DNAAF11: variants seen among roughly 807,000 people sequenced by gnomAD.
DNAAF11 encodes the protein leucine rich repeat containing 6.
DNAAF11 carries 45 observed loss-of-function variants against 60.8 expected under a neutral mutation model. That is an observed-to-expected ratio of 0.74 (90% confidence interval 0.58 to 0.95). The LOEUF is 0.95. Ranked by LOEUF, DNAAF11 falls within the 40% of genes least tolerant of loss-of-function variation. The pLI, the probability that DNAAF11 is intolerant of heterozygous loss-of-function variation, is 0.00. For synonymous variants in DNAAF11, 191 were observed against 183.5 expected (o/e 1.04, Z -0.33); for missense variants, 546 against 546.2 (o/e 1.00, Z 0.00).
rs1814135690 is a variant in DNAAF11 at position 132,571,065 on chromosome 8, A to G, written c.*1241T>C. On this transcript the variant is annotated 3_prime_UTR_variant, in exon 12 of 12. Transcript: ENST00000620350. ...CTATAACCAGTCCCTCATTCTCATC[A>G]TATTTTTTTCTAACTGATGCATTTT... is the stretch of plus-strand genomic sequence containing the variant. Among the ~76,000 whole-genome samples the G allele has an allele frequency of 1.3e-5, 2 of 152,036 alleles. No individual in the cohort carries two copies.
intron 5 of DNAAF11, among the ~76,000 whole-genome samples, chr8:132,629,284 T>C (rs1415568547): frequency 6.6e-6 from 1 of 151,972 alleles, no homozygotes; most frequent in Non-Finnish European, 1.5e-5. Flanking sequence ...TGATGAGAAA[T>C]TGCACACATT....
the DNAAF11 span, among the ~76,000 whole-genome samples, chr8:132,694,192 T>A: frequency 1.3e-5 from 2 of 152,298 alleles, no homozygotes; most frequent in African/African-American, 4.8e-5. Context: ...GATGTGGATA[T>A]GGAAATTAAT....
intron 2 of DNAAF11, among the ~76,000 whole-genome samples, chr8:132,660,226 CT>C (rs563667546): frequency 0.023 from 3,426 of 146,286 alleles, 116 homozygotes; most frequent in African/African-American, 0.075. Context: ...GAGTACTTAT[CT>C]TTTTTTTTTT....
chr8:132,654,962 A>T (rs1166868623), intron 3 of DNAAF11, among the ~76,000 whole-genome samples: 1 of 151,998 alleles, frequency 6.6e-6, no homozygotes, highest in African/African-American at 2.4e-5. Context: ...AAAATCAACA[A>T]AATCAAAAGT....
At chr8:132,685,336 C>T in the DNAAF11 span, among the ~76,000 whole-genome samples, 1 of 152,174 alleles carries the variant, frequency 6.6e-6, no homozygotes, top group Non-Finnish European at 1.5e-5. Flanking sequence ...TATCTCTGAA[C>T]ACATTAATCC....
chr8:132,668,025 A>C (rs537483603), intron 1 of DNAAF11, among the ~76,000 whole-genome samples: 1 of 152,340 alleles, frequency 6.6e-6, no homozygotes, highest in East Asian at 1.9e-4. Context: ...GAATAAAATC[A>C]ACTAATATGT....
chr8:132,685,424 G>A, the DNAAF11 span, among the ~76,000 whole-genome samples: 2 of 152,268 alleles, frequency 1.3e-5, no homozygotes, highest in East Asian at 3.9e-4. Flanking sequence ...TTTTGCTAAT[G>A]ATAATGAGTT....
chr8:132,571,519 G>T lies in DNAAF11; in HGVS notation c.*787C>A, dbSNP rs1243636586. 6.6e-6 allele frequency among the ~76,000 whole-genome samples: 1 copy of T among 151,950 alleles called. No homozygotes were observed. Among genetic ancestry groups the T allele is most frequent in the East Asian group, 1.9e-4 (1 of 5,190 alleles). ...TAAAAAGGTGAAGAAAAAGAATAAG[G>T]GGAGAAAAGTAATTGGGGAGGGAGG... On this transcript the variant is annotated 3_prime_UTR_variant, in exon 12 of 12. Coordinates refer to ENST00000620350, the MANE Select transcript of DNAAF11 (RefSeq NM_012472.6).
chr8:132,686,158 C>A, the DNAAF11 span, among the ~76,000 whole-genome samples: 6 of 152,256 alleles, frequency 3.9e-5, no homozygotes, highest in Middle Eastern at 3.4e-3. Flanking sequence ...CAAATGTCAT[C>A]TCTGAACGGA....
the DNAAF11 span, among the ~76,000 whole-genome samples, chr8:132,701,231 C>T: frequency 3.3e-5 from 5 of 152,176 alleles, no homozygotes; most frequent in African/African-American, 1.2e-4. Context: ...GGATACAGAA[C>T]AGGACAACAA....
chr8:132,689,713 G>T, the DNAAF11 span, among the ~76,000 whole-genome samples: 2 of 151,902 alleles, frequency 1.3e-5, no homozygotes, highest in Admixed American at 1.3e-4. Flanking sequence ...GTGTGTGTGT[G>T]TGTGTATGTG....
intron 3 of DNAAF11, chr8:132,643,662 A>T (rs1432892471): frequency 2.2e-6 from 1 of 456,288 alleles, no homozygotes; most frequent in East Asian, 6.9e-5. Context: ...TGCATCGTCC[A>T]CATCAGGAAG....
chr8:132,590,837 G>A (rs1371011192), intron 10 of DNAAF11, among the ~76,000 whole-genome samples: 1 of 152,212 alleles, frequency 6.6e-6, no homozygotes, highest in Non-Finnish European at 1.5e-5. Flanking sequence ...AATTGTTCTA[G>A]GAGCTGGGAT....
At chr8:132,647,572 G>A (rs1822528874) in intron 3 of DNAAF11, among the ~76,000 whole-genome samples, 1 of 152,138 alleles carries the variant, frequency 6.6e-6, no homozygotes, top group African/African-American at 2.4e-5. Context: ...ATGAATCCAG[G>A]AGCTGGTTTT....
At chr8:132,659,860 T>C (rs965061108) in intron 2 of DNAAF11, among the ~76,000 whole-genome samples, 4 of 152,108 alleles carry the variant, frequency 2.6e-5, no homozygotes, top group African/African-American at 9.7e-5. Context: ...CACTGTAGGA[T>C]GGTTTGCAGT....
intron 8 of DNAAF11, 125 bp from the exon 9 acceptor site, chr8:132,611,488 G>A: frequency 1.9e-6 from 1 of 527,352 alleles, no homozygotes; most frequent in South Asian, 3.0e-5. Flanking sequence ...CATGCAAAAT[G>A]GGTCTTTAAA....
Position 132,610,191 on chromosome 8 carries a change from C to T in DNAAF11, c.1115G>A (p.Gly372Asp). The T allele has an allele frequency of 6.2e-7, 1 of 1,613,930 alleles. No homozygotes were observed. Among genetic ancestry groups the T allele is most frequent in the African/African-American group, 1.3e-5 (1 of 75,010 alleles). ...CTTGGGCATGCAGATGACCAAATGA[C>T]CCGTTGTCTGAGATCTTTTAGCAGA... ...SSSAKRSQTT[G>D]HLVICMPKVG... is the part of the protein sequence containing the mutation. The change falls in exon 10 of 12, where the codon GGT (glycine) becomes GAT (aspartate). Residue 372 changes from glycine to aspartate, a missense_variant. Coordinates refer to ENST00000620350, the MANE Select transcript of DNAAF11 (RefSeq NM_012472.6).
chr8:132,619,047 C>T (rs954070569), intron 7 of DNAAF11, among the ~76,000 whole-genome samples: 2 of 152,070 alleles, frequency 1.3e-5, no homozygotes, highest in Non-Finnish European at 2.9e-5. Context: ...TGGAACCAAC[C>T]CAAATGTCCA....
At chr8:132,688,170 C>T in the DNAAF11 span, among the ~76,000 whole-genome samples, 1 of 152,164 alleles carries the variant, frequency 6.6e-6, no homozygotes, top group African/African-American at 2.4e-5. Flanking sequence ...CTCTCAACAC[C>T]GTTGCATTGA....
Sources: allele counts gnomAD v4.1 joint callset (sites outside exome capture counted in the v4.1 genomes callset), GRCh38; gene constraint gnomAD v4.1.1; transcripts MANE v1.5; gene names NCBI Gene and HGNC (gene_info 2026-07-23, HGNC 2026-07-21).